Variants in ZMAT4 observed in about 807,000 individuals in gnomAD.
The protein encoded by ZMAT4 is zinc finger matrin-type protein 4.
In ZMAT4, 17 loss-of-function variants were observed where a neutral mutation model predicts 28.7. That is an observed-to-expected ratio of 0.59 (90% confidence interval 0.41 to 0.89). The LOEUF (loss-of-function observed/expected upper bound fraction) is 0.89. ZMAT4 is among the 40% of genes least tolerant of loss of function. The probability of loss-of-function intolerance (pLI) is 0.00; values close to 1 mark genes in which losing one functional copy is unlikely to be tolerated. For missense variants in ZMAT4, 240 were observed against 283.8 expected (o/e 0.85, Z 1.11); for synonymous variants, 117 against 109.2 (o/e 1.07, Z -0.44).
chr8:40,882,751 G>A (rs1818325967), intron 1 of ZMAT4, among the ~76,000 whole-genome samples: 2 of 152,204 alleles, frequency 1.3e-5, no homozygotes, highest in African/African-American at 2.4e-5. Flanking sequence ...CAGAGCTGGG[G>A]ACAGTGGGAC....
intron 1 of ZMAT4, among the ~76,000 whole-genome samples, chr8:40,836,479 T>C (rs530705641): frequency 1.4e-3 from 215 of 152,260 alleles, no homozygotes; most frequent in Admixed American, 2.3e-3. Flanking sequence ...ATTGTTCAAA[T>C]AGCAAAGCCT....
At chr8:40,880,491 T>G (rs1033403474) in intron 1 of ZMAT4, among the ~76,000 whole-genome samples, 2 of 152,192 alleles carry the variant, frequency 1.3e-5, no homozygotes, top group Non-Finnish European at 2.9e-5. Flanking sequence ...CTTCAATAAT[T>G]TTATAGCTGG....
chr8:40,606,023 A>G (rs1805567992), intron 5 of ZMAT4, among the ~76,000 whole-genome samples: 3 of 152,130 alleles, frequency 2.0e-5, no homozygotes, highest in African/African-American at 4.8e-5. Context: ...ATTTGCATGG[A>G]ATATCTTTTT....
intron 2 of ZMAT4, among the ~76,000 whole-genome samples, chr8:40,778,881 G>C (rs547295095): frequency 6.6e-6 from 1 of 152,194 alleles, no homozygotes; most frequent in Non-Finnish European, 1.5e-5. Flanking sequence ...CCAGGTGGTT[G>C]AGTAGAGGAT....
At position 40,581,205 on chromosome 8, in the gene ZMAT4, G is replaced by A; in HGVS notation, c.634C>T (p.Gln212Ter). Residue 212 changes from glutamine to a stop codon, truncating the protein, a stop_gained, in exon 6 of 7, where the codon CAG becomes TAG. Transcript: ENST00000297737. LOFTEE classifies it high-confidence loss of function. ...GATCCTTTCAGATGGGCATGATACT[G>A]TTCTATTGAGTTTAGGGAGACACTG... ...ICSVSLNSIE[Q>*]YHAHLKGSKH... 6.2e-7 allele frequency: 1 copy of A among 1,613,504 alleles called. No individual in the cohort carries two copies.
chr8:40,838,226 T>C (rs1816569836), intron 1 of ZMAT4, among the ~76,000 whole-genome samples: 1 of 152,234 alleles, frequency 6.6e-6, no homozygotes, highest in Non-Finnish European at 1.5e-5. Context: ...GAGCAGCAGT[T>C]GGCCAGTTTC....
At chr8:40,537,690 C>A (rs574094616) in intron 6 of ZMAT4, among the ~76,000 whole-genome samples, 1 of 152,244 alleles carries the variant, frequency 6.6e-6, no homozygotes, top group African/African-American at 2.4e-5. Flanking sequence ...CTTTGCAAAA[C>A]GTTTTTCATA....
chr8:40,891,964 C>T lies in ZMAT4; in HGVS notation c.-5+5719G>A, dbSNP rs565017085. On this transcript the variant is annotated intron_variant, in intron 1 of 6. Coordinates refer to ENST00000297737, the MANE Select transcript of ZMAT4 (RefSeq NM_024645.3). ...TCAAACCAACACAAAGCAAAACCCTCCACAGCTGGTCACGGCCTCATTCTC... is the reference window on the plus strand; with the variant it reads ...TCAAACCAACACAAAGCAAAACCCTTCACAGCTGGTCACGGCCTCATTCTC... 4.6e-5 allele frequency among the ~76,000 whole-genome samples: 7 copies of T among 152,328 alleles called. No homozygotes were observed. The South Asian group carries it at 1.4e-3, about 32-fold the overall frequency.
At chr8:40,872,904 C>T (rs1169311415) in intron 1 of ZMAT4, among the ~76,000 whole-genome samples, 1 of 152,080 alleles carries the variant, frequency 6.6e-6, no homozygotes, top group Non-Finnish European at 1.5e-5. Context: ...TAACAAAACA[C>T]AGACCACTAG....
chr8:40,610,780 A>T (rs1390134961), intron 5 of ZMAT4, among the ~76,000 whole-genome samples: 1 of 152,020 alleles, frequency 6.6e-6, no homozygotes, highest in Non-Finnish European at 1.5e-5. Context: ...CTTTGGGCAT[A>T]TCTTTGATTC....
At chr8:40,703,316 A>G (rs1810224103) in intron 3 of ZMAT4, among the ~76,000 whole-genome samples, 1 of 152,256 alleles carries the variant, frequency 6.6e-6, no homozygotes, top group Non-Finnish European at 1.5e-5. Flanking sequence ...CAAAGTGGAA[A>G]CAGCCCAAAT....
chr8:40,760,759 G>A (rs1018017810), intron 3 of ZMAT4, among the ~76,000 whole-genome samples: 7 of 135,338 alleles, frequency 5.2e-5, no homozygotes, highest in Non-Finnish European at 9.6e-5. Context: ...TCTCTCTGTC[G>A]CGGTCTCTCT....
chr8:40,710,655 A>G (rs963922856), intron 3 of ZMAT4, among the ~76,000 whole-genome samples: 35 of 152,180 alleles, frequency 2.3e-4, no homozygotes, highest in Admixed American at 2.3e-3. Context: ...GAAGTGTGCC[A>G]CATGATCCTG....
rs1413051640 is a variant in ZMAT4, at chr8:40,881,499, G to GAA, written c.-5+16183_-5+16184insTT. On this transcript the variant is annotated intron_variant, in intron 1 of 6. Transcript: ENST00000297737. Reference sequence around the variant, plus strand: ...AGAAAGAAAGAAAGAAAGAAAGAAAGAGGAAGGAAGGAAGGGGAGAGAGAG... The same window carrying GAA: ...AGAAAGAAAGAAAGAAAGAAAGAAAGAAAGGAAGGAAGGAAGGGGAGAGAGAG... Among the ~76,000 whole-genome samples, 17 of 129,606 alleles carry GAA rather than the reference G, an allele frequency of 1.3e-4. No homozygotes were observed. The South Asian group carries it at 2.7e-3, about 21-fold the overall frequency. The allele number at this position is 129,606 out of a possible 152,430, so 85.0% of individuals were successfully genotyped here.
chr8:40,683,103 T>A (rs1180069377), intron 4 of ZMAT4, among the ~76,000 whole-genome samples: 1 of 152,142 alleles, frequency 6.6e-6, no homozygotes, highest in Non-Finnish European at 1.5e-5. Context: ...GCTTGGCACA[T>A]AATAGGTGTT....
At chr8:40,728,795 C>G (rs895027731) in intron 3 of ZMAT4, among the ~76,000 whole-genome samples, 16 of 152,140 alleles carry the variant, frequency 1.1e-4, no homozygotes, top group Admixed American at 3.3e-4. Context: ...GAACAAGACG[C>G]CAACCATTTT....
intron 3 of ZMAT4, among the ~76,000 whole-genome samples, chr8:40,725,448 A>ATGTC (rs1297825585): frequency 6.6e-6 from 1 of 152,188 alleles, no homozygotes; most frequent in Non-Finnish European, 1.5e-5. Context: ...CTGGATAAAA[A>ATGTC]TGTCTCGAGA....
intron 5 of ZMAT4, among the ~76,000 whole-genome samples, chr8:40,619,574 G>T (rs4737154): frequency 6.6e-6 from 1 of 152,118 alleles, no homozygotes; most frequent in Admixed American, 6.5e-5. Context: ...AGAGAGCAGC[G>T]GCAGAACCTG....
intron 1 of ZMAT4, among the ~76,000 whole-genome samples, chr8:40,851,244 C>G (rs547494719): frequency 1.3e-5 from 2 of 152,312 alleles, no homozygotes; most frequent in South Asian, 4.2e-4. Context: ...TGGAGAATCG[C>G]TTGAACCCAG....
Sources: gnomAD v4.1 joint callset for allele counts (sites outside exome capture counted in the v4.1 genomes callset) on GRCh38, gnomAD v4.1.1 for gene constraint, MANE v1.5 for transcripts, NCBI Gene and HGNC (gene_info 2026-07-23, HGNC 2026-07-21) for gene names.